Variants in GPC5 observed in about 807,000 individuals in gnomAD.
The protein encoded by GPC5 is glypican-5.
GPC5 carries 47 observed loss-of-function variants against 53.9 expected under a neutral mutation model. The observed-to-expected ratio is 0.87, with a 90% CI of 0.69 to 1.11. The LOEUF (loss-of-function observed/expected upper bound fraction) is 1.11. GPC5 is among the 50% of genes most tolerant of loss of function. The pLI is 0.00. For synonymous variants in GPC5, 286 were observed against 263.3 expected (o/e 1.09, Z -0.84); for missense variants, 748 against 713.1 (o/e 1.05, Z -0.56).
intron 6 of GPC5, among the ~76,000 whole-genome samples, chr13:92,087,988 T>G (rs2138891051): frequency 6.6e-6 from 1 of 152,140 alleles, no homozygotes; most frequent in South Asian, 2.1e-4. Context: ...CAGGCTGGTC[T>G]TCAAATCCTG....
intron 7 of GPC5, among the ~76,000 whole-genome samples, chr13:92,159,759 C>A (rs1430466887): frequency 6.6e-6 from 1 of 151,330 alleles, no homozygotes; most frequent in Admixed American, 6.6e-5. Context: ...CCCGTCACCA[C>A]GCCCTGCTAA....
At chr13:92,133,017 T>G (rs1007066215) in intron 6 of GPC5, among the ~76,000 whole-genome samples, 2 of 151,944 alleles carry the variant, frequency 1.3e-5, no homozygotes, top group Non-Finnish European at 2.9e-5. Flanking sequence ...GGATGAGACA[T>G]TTATTAGTCT....
chr13:91,660,127 A>G (rs1241968127), intron 2 of GPC5, among the ~76,000 whole-genome samples: 1 of 152,220 alleles, frequency 6.6e-6, no homozygotes, highest in East Asian at 1.9e-4. Flanking sequence ...GGGTTTGTCT[A>G]GCTGGCTCTA....
At chr13:91,772,047 C>T (rs139064132) in intron 5 of GPC5, among the ~76,000 whole-genome samples, 180 of 152,290 alleles carry the variant, frequency 1.2e-3, no homozygotes, top group Admixed American at 2.4e-3. Flanking sequence ...ACTAACCGAA[C>T]ACTGCTTGCC....
intron 7 of GPC5, among the ~76,000 whole-genome samples, chr13:92,353,431 T>C (rs2043497339): frequency 6.6e-6 from 1 of 152,042 alleles, no homozygotes; most frequent in African/African-American, 2.4e-5. Context: ...ATTGCATGCA[T>C]CATGAAATCT....
intron 5 of GPC5, among the ~76,000 whole-genome samples, chr13:91,903,586 G>T (rs1472660923): frequency 5.3e-5 from 8 of 151,940 alleles, no homozygotes; most frequent in Admixed American, 4.6e-4. Flanking sequence ...TGGTTATTTT[G>T]AACATTACAA....
intron 6 of GPC5, among the ~76,000 whole-genome samples, chr13:91,971,089 C>G (rs1044615368): frequency 5.9e-5 from 9 of 152,192 alleles, no homozygotes; most frequent in African/African-American, 1.9e-4. Flanking sequence ...ATGAATCCAT[C>G]TGGTCCTGGA....
intron 6 of GPC5, among the ~76,000 whole-genome samples, chr13:91,976,375 C>G (rs1022752958): frequency 6.6e-6 from 1 of 152,202 alleles, no homozygotes; most frequent in Non-Finnish European, 1.5e-5. Flanking sequence ...CTGCTGCTCA[C>G]TGCATAGAAA....
At chr13:92,359,306 C>T (rs2043547229) in intron 7 of GPC5, among the ~76,000 whole-genome samples, 1 of 151,676 alleles carries the variant, frequency 6.6e-6, no homozygotes, top group Non-Finnish European at 1.5e-5. Context: ...AAGTTCCTCA[C>T]CTCCGTCTGA....
intron 2 of GPC5, among the ~76,000 whole-genome samples, chr13:91,627,462 A>C (rs1473384292): frequency 6.6e-6 from 1 of 152,032 alleles, no homozygotes; most frequent in Non-Finnish European, 1.5e-5. Context: ...TTTTTCTTTG[A>C]GGAAGAATTT....
intron 6 of GPC5, among the ~76,000 whole-genome samples, chr13:91,954,038 T>G (rs911768296): frequency 2.0e-5 from 3 of 152,196 alleles, no homozygotes; most frequent in Admixed American, 6.5e-5. Flanking sequence ...CTTTCTTATG[T>G]TGACAAAAAA....
chr13:91,516,479 G>A (rs1885505388), intron 2 of GPC5, among the ~76,000 whole-genome samples: 1 of 152,212 alleles, frequency 6.6e-6, no homozygotes, highest in African/African-American at 2.4e-5. Context: ...CAAGAGGTGG[G>A]TTTCCATGGT....
At chr13:92,710,852 G>A (rs1888111228) in intron 7 of GPC5, among the ~76,000 whole-genome samples, 1 of 152,066 alleles carries the variant, frequency 6.6e-6, no homozygotes, top group Non-Finnish European at 1.5e-5. Context: ...TGATATCCTA[G>A]GAAGAATTAT....
At position 92,753,980 on chromosome 13, in the gene GPC5, G is replaced by A. The variant is rs984277874; in HGVS notation, c.1562-112302G>A. On this transcript the variant is annotated intron_variant, in intron 7 of 7. Transcript: ENST00000377067. ...TTCAGATTCAGGAAATACAGAGAAC[G>A]CCACAAAGATACTCCTCAAGAAGAG... is the stretch of plus-strand genomic sequence containing the variant. 6.1e-5 allele frequency among the ~76,000 whole-genome samples: 8 copies of A among 131,482 alleles called. No individual in the cohort carries two copies. The East Asian group carries it at 1.2e-3, about 19-fold the overall frequency. The allele number at this position is 131,482 out of a possible 152,430, so 86.3% of individuals were successfully genotyped here.
intron 1 of GPC5, among the ~76,000 whole-genome samples, chr13:91,424,361 C>CTTTTTT (rs781733611): frequency 8.8e-6 from 1 of 113,458 alleles, no homozygotes; most frequent in Non-Finnish European, 1.8e-5. Flanking sequence ...TCCAGTACTG[C>CTTTTTT]TTTTTTTTTT....
At chr13:92,857,521 G>T (rs774473140) in intron 7 of GPC5, among the ~76,000 whole-genome samples, 11 of 152,074 alleles carry the variant, frequency 7.2e-5, no homozygotes, top group Non-Finnish European at 1.2e-4. Context: ...TATTAACAAA[G>T]TAAACAGACA....
chr13:91,522,232 G>C (rs1241192316), intron 2 of GPC5, among the ~76,000 whole-genome samples: 1 of 152,154 alleles, frequency 6.6e-6, no homozygotes, highest in Non-Finnish European at 1.5e-5. Flanking sequence ...ACAGGTTGCG[G>C]GTGGGGCTGC....
At chr13:92,442,062 G>A (rs1438932567) in intron 7 of GPC5, among the ~76,000 whole-genome samples, 1 of 152,136 alleles carries the variant, frequency 6.6e-6, no homozygotes, top group Non-Finnish European at 1.5e-5. Context: ...GCATTTGGCT[G>A]GTAGGAGTGT....
At position 91,636,803 on chromosome 13, in the gene GPC5, A is replaced by T. The variant is rs181012866; in HGVS notation, c.326-56384A>T. Among the ~76,000 whole-genome samples the T allele has an allele frequency of 7.8e-4, 117 of 150,310 alleles. 1 individual carries two copies. Among genetic ancestry groups the T allele is most frequent in the African/African-American group, 2.0e-3 (81 of 40,700 alleles). On this transcript the variant is annotated intron_variant, in intron 2 of 7. Coordinates refer to ENST00000377067, the MANE Select transcript of GPC5 (RefSeq NM_004466.6). The stretch of plus-strand genomic sequence containing the variant: ...GACACTGTCCCTGCAAAAAATAATT[A>T]AAAAAAAAATTAGGCATGGTGGTGC...
Sources: gnomAD v4.1 joint callset for allele counts (sites outside exome capture counted in the v4.1 genomes callset) on GRCh38, gnomAD v4.1.1 for gene constraint, MANE v1.5 for transcripts, NCBI Gene and HGNC (gene_info 2026-07-23, HGNC 2026-07-21) for gene names.